The following SESTD1 variants were observed in gnomAD, a reference collection of about 807,000 sequenced individuals.
SESTD1 encodes SEC14 domain and spectrin repeat-containing protein 1.
Under a neutral mutation model 101.7 loss-of-function variants are expected in SESTD1, and 43 were observed. That is an observed-to-expected ratio of 0.42 (90% CI 0.33 to 0.55). SESTD1 has a LOEUF of 0.55. Among genes scored for constraint, SESTD1 ranks in the 20% least tolerant of loss-of-function variants. The probability of loss-of-function intolerance (pLI) is 0.07; values close to 1 mark genes in which losing one functional copy is unlikely to be tolerated. For missense variants in SESTD1, 647 were observed against 815.1 expected (o/e 0.79, Z 2.51); for synonymous variants, 283 against 286.8 (o/e 0.99, Z 0.13).
intron 1 of SESTD1, among the ~76,000 whole-genome samples, chr2:179,246,200 A>G (rs1419455782): frequency 7.0e-6 from 1 of 143,378 alleles, no homozygotes; most frequent in Non-Finnish European, 1.5e-5. Context: ...GGTTGCAGTG[A>G]GCCAAGATCA....
intron 1 of SESTD1, among the ~76,000 whole-genome samples, chr2:179,239,573 C>T (rs976423560): frequency 6.6e-6 from 1 of 152,028 alleles, no homozygotes; most frequent in Non-Finnish European, 1.5e-5. Context: ...AATGTGAGAG[C>T]CCCAGTTCAA....
chr2:179,125,654 A>G (rs751467813), intron 10 of SESTD1, among the ~76,000 whole-genome samples: 16 of 152,230 alleles, frequency 1.1e-4, no homozygotes, highest in Non-Finnish European at 2.4e-4. Flanking sequence ...ATCTCTTTTT[A>G]AAGTTATGAC....
chr2:179,115,301 A>G, intron 15 of SESTD1, 45 bp from the exon 16 acceptor site: 1 of 1,438,200 alleles, frequency 7.0e-7, no homozygotes, highest in South Asian at 1.4e-5. Context: ...AAGAATTCTT[A>G]AGAGAAGGAT....
intron 1 of SESTD1, among the ~76,000 whole-genome samples, chr2:179,198,735 T>G (rs1018931340): frequency 6.6e-6 from 1 of 151,896 alleles, no homozygotes; most frequent in Non-Finnish European, 1.5e-5. Flanking sequence ...AAGGCAGAAA[T>G]AAAGATGTTC....
intron 10 of SESTD1, among the ~76,000 whole-genome samples, chr2:179,128,164 T>C (rs1165526540): frequency 1.3e-5 from 2 of 152,220 alleles, no homozygotes; most frequent in African/African-American, 2.4e-5. Context: ...ATGACTCTTA[T>C]GCCTGTTAAG....
rs1031828721 is a variant in SESTD1, at chr2:179,211,870, G to C, written c.-25-20004C>G. On this transcript the variant is annotated intron_variant, in intron 1 of 17. Transcript: ENST00000428443. Reference sequence around the variant, plus strand: ...GGGGACTCAGGGGGAAGGGTGGGAGGGGGATGAGAAATAAAAGACTACACA... The same window carrying C: ...GGGGACTCAGGGGGAAGGGTGGGAGCGGGATGAGAAATAAAAGACTACACA... Among the ~76,000 whole-genome samples, 33 of 132,594 alleles carry C rather than the reference G, an allele frequency of 2.5e-4. 8 individuals are homozygous for C. The highest frequency in any genetic ancestry group is 9.9e-4 in the African/African-American group (33 of 33,190). The allele number at this position is 132,594 out of a possible 152,430, so 87.0% of individuals were successfully genotyped here. A position where few individuals can be genotyped will look rare whatever the true frequency, so the allele number is the denominator to read the frequency against.
At chr2:179,124,180 G>A (rs1424863363) in intron 11 of SESTD1, among the ~76,000 whole-genome samples, 184 bp downstream of exon 11, 1 of 151,922 alleles carries the variant, frequency 6.6e-6, no homozygotes, top group African/African-American at 2.4e-5. Context: ...ATTGCATGCA[G>A]AATGACTTAA....
chr2:179,167,907 C>T (rs1194774318), intron 5 of SESTD1, among the ~76,000 whole-genome samples: 2 of 152,120 alleles, frequency 1.3e-5, no homozygotes, highest in Non-Finnish European at 2.9e-5. Flanking sequence ...GGACTACAGG[C>T]ACATGCCACC....
chr2:179,169,766 G>A (rs1181880872), intron 5 of SESTD1, among the ~76,000 whole-genome samples: 2 of 152,116 alleles, frequency 1.3e-5, no homozygotes, highest in East Asian at 3.8e-4. Context: ...CAGATCACCT[G>A]AGGTTTGAGA....
chr2:179,167,023 C>T (rs948171269), intron 5 of SESTD1, among the ~76,000 whole-genome samples: 3 of 151,868 alleles, frequency 2.0e-5, no homozygotes, highest in African/African-American at 7.3e-5. Flanking sequence ...AAGGCACACA[C>T]AAAAAAGGAA....
At chr2:179,180,008 C>T (rs1575464968) in intron 3 of SESTD1, among the ~76,000 whole-genome samples, 1 of 151,360 alleles carries the variant, frequency 6.6e-6, no homozygotes, top group African/African-American at 2.5e-5. Flanking sequence ...AAAATATCTT[C>T]TTATTTTGTA....
At chr2:179,193,735 G>A (rs567446303) in intron 1 of SESTD1, among the ~76,000 whole-genome samples, 2 of 152,156 alleles carry the variant, frequency 1.3e-5, no homozygotes, top group Middle Eastern at 3.4e-3. Context: ...GACAAACCCC[G>A]TCTATTCCTT....
chr2:179,249,999 T>C (rs1050095680), intron 1 of SESTD1, among the ~76,000 whole-genome samples: 5 of 152,122 alleles, frequency 3.3e-5, no homozygotes, highest in African/African-American at 9.7e-5. Flanking sequence ...AAAAGTCTTC[T>C]AAAATTTTCA....
intron 5 of SESTD1, among the ~76,000 whole-genome samples, chr2:179,168,508 G>A (rs1375234743): frequency 6.6e-6 from 1 of 151,580 alleles, no homozygotes; most frequent in East Asian, 1.9e-4. Flanking sequence ...TCAACGGCAT[G>A]ATTAAAGTGC....
chr2:179,230,254 A>C (rs569716519), intron 1 of SESTD1, among the ~76,000 whole-genome samples: 15 of 147,206 alleles, frequency 1.0e-4, no homozygotes, highest in African/African-American at 3.7e-4. Flanking sequence ...TCCCACCTCA[A>C]CCTCCTCAGT....
chr2:179,263,640 G>C (rs1458093791), intron 1 of SESTD1, among the ~76,000 whole-genome samples: 1 of 145,422 alleles, frequency 6.9e-6, no homozygotes, highest in Non-Finnish European at 1.5e-5. Context: ...CGCGATGTCT[G>C]TGTGTAAGAG....
At chr2:179,170,576 C>A (rs1312207968) in intron 5 of SESTD1, among the ~76,000 whole-genome samples, 1 of 152,092 alleles carries the variant, frequency 6.6e-6, no homozygotes, top group African/African-American at 2.4e-5. Context: ...GTTATCGACA[C>A]AAGAGTTACA....
intron 5 of SESTD1, among the ~76,000 whole-genome samples, chr2:179,166,649 C>A (rs779512718): frequency 5.3e-5 from 8 of 152,158 alleles, no homozygotes; most frequent in Non-Finnish European, 1.2e-4. Flanking sequence ...TAACAAGGAA[C>A]AGCAGCCTAT....
chr2:179,252,952 GA>G (rs1436661523), intron 1 of SESTD1, among the ~76,000 whole-genome samples: 1 of 151,956 alleles, frequency 6.6e-6, no homozygotes, highest in Non-Finnish European at 1.5e-5. Context: ...CAACCCCCAG[GA>G]ATCTGTTCTC....
Sources: gnomAD v4.1 joint callset for allele counts (sites outside exome capture counted in the v4.1 genomes callset) on GRCh38, gnomAD v4.1.1 for gene constraint, MANE v1.5 for transcripts, NCBI Gene and HGNC (gene_info 2026-07-23, HGNC 2026-07-21) for gene names.